NR1D1: variants seen among roughly 807,000 people sequenced by gnomAD.
NR1D1 encodes the protein nuclear receptor subfamily 1 group D member 1.
A neutral mutation model predicts 51.1 loss-of-function variants in NR1D1; 17 were observed. That is an observed-to-expected ratio of 0.33 (90% confidence interval 0.23 to 0.50). The LOEUF (loss-of-function observed/expected upper bound fraction) is 0.50, where lower values mean the gene tolerates loss of function less well. Among genes scored for constraint, NR1D1 ranks in the 20% least tolerant of loss-of-function variants. The pLI is 0.98. For synonymous variants in NR1D1, 341 were observed against 333.4 expected (o/e 1.02, Z -0.25); for missense variants, 647 against 830.4 (o/e 0.78, Z 2.71).
chr17:40,096,898 A>T, intron 2 of NR1D1, 119 bp from the exon 3 acceptor site: 1 of 1,213,456 alleles, frequency 8.2e-7, no homozygotes, highest in Non-Finnish European at 1.2e-6. Flanking sequence ...TCCAGTGTTG[A>T]GGGGCACTGG....
intron 1 of NR1D1, among the ~76,000 whole-genome samples, chr17:40,099,542 G>C (rs1037593450): frequency 3.3e-5 from 5 of 152,088 alleles, no homozygotes; most frequent in Non-Finnish European, 7.4e-5. Flanking sequence ...CTCAAGTGTC[G>C]CTCCCTCCTG....
Position 40,093,392 on chromosome 17 carries a change from G to A in NR1D1, c.1646-110C>T. The A allele has an allele frequency of 6.2e-7, 1 of 1,607,274 alleles. No homozygotes were observed. The highest frequency in any genetic ancestry group is 8.5e-7 in the Non-Finnish European group (1 of 1,176,582). ...TGCAGCCTCTCCCTGAAGCCCCCCA[G>A]AAGGCCGATGGGGAAGGAGAAGGAG... On this transcript the variant is annotated intron_variant, in intron 7 of 7. Coordinates refer to ENST00000246672, the MANE Select transcript of NR1D1 (RefSeq NM_021724.5). The surrounding 1 kb of genome is among the most constrained non-coding windows in gnomAD (Gnocchi z 5.9).
chr17:40,097,124 T>G lies in NR1D1; in HGVS notation c.311A>C (p.Gln104Pro). The stretch of plus-strand genomic sequence containing the variant: ...TCGGCTGCTGTCCTCCATGGCCACT[T>G]GTAGACTCCCAGGGGGGCTCCCATT... The part of the protein sequence containing the change: ...FYNGSPPGSL[Q>P]VAMEDSSRVS... Residue 104 changes from glutamine to proline, a missense_variant, in exon 2 of 8, where the codon CAA (glutamine) becomes CCA (proline). Transcript: ENST00000246672. 6.2e-7 allele frequency: 1 copy of G among 1,610,744 alleles called. No individual in the cohort carries two copies. The highest frequency in any genetic ancestry group is 8.5e-7 in the Non-Finnish European group (1 of 1,178,206).
In NR1D1 at chr17:40,095,795, G is replaced by A. The variant is rs1018174647; in HGVS notation, c.897C>T (p.Ile299=). ...CCAGCTTGTCATGGGCGTAGGTGAA[G>A]ATCTCTCGATGGGCCCGGGCCACCT... ...ISQVARAHRE[I]FTYAHDKLGS... is the part of the protein sequence containing the mutation. Residue 299 remains isoleucine (I), a synonymous_variant, in exon 5 of 8, where the codon ATC becomes ATT. Coordinates refer to ENST00000246672, the MANE Select transcript of NR1D1 (RefSeq NM_021724.5). 2 of 1,614,030 alleles carry A rather than the reference G, an allele frequency of 1.2e-6. No individual in the cohort carries two copies. The highest frequency in any genetic ancestry group is 1.7e-5 in the Admixed American group (1 of 59,992).
chr17:40,098,269 C>T (rs1292173121), intron 1 of NR1D1, among the ~76,000 whole-genome samples: 1 of 152,124 alleles, frequency 6.6e-6, no homozygotes, highest in African/African-American at 2.4e-5. Context: ...CTGCCATGGG[C>T]GGGGTGGGAG....
At chr17:40,095,246 A>C in intron 5 of NR1D1, 126 bp from the exon 6 acceptor site, 1 of 1,164,096 alleles carries the variant, frequency 8.6e-7, no homozygotes, top group Non-Finnish European at 1.2e-6. Context: ...TGGGTCTTTC[A>C]GATAAAGTAG....
chr17:40,094,635 C>T (rs550124794), intron 6 of NR1D1, among the ~76,000 whole-genome samples: 2 of 152,378 alleles, frequency 1.3e-5, no homozygotes, highest in East Asian at 1.9e-4. Flanking sequence ...CAATGGCTCA[C>T]GCCTGTAATC....
Position 40,093,513 on chromosome 17 carries a change from A to G in NR1D1, c.1646-231T>C. ...AGGGCTGGTCACCTCCCATCCCGTA[A>G]GACCACCTTCCCTTCCTCAGCAGGC... On this transcript the variant is annotated intron_variant, in intron 7 of 7. Transcript: ENST00000246672. This position sits in a 1 kb window ranked among gnomAD's most constrained non-coding sequence, Gnocchi z 5.9. 7.3e-7 allele frequency: 1 copy of G among 1,374,828 alleles called. No individual in the cohort carries two copies. The highest frequency in any genetic ancestry group is 9.7e-7 in the Non-Finnish European group (1 of 1,032,354). 85.2% of individuals were successfully genotyped at this position (1,374,828 alleles called of 1,614,324 possible). A position where few individuals can be genotyped will look rare whatever the true frequency, so the allele number is the denominator to read the frequency against.
In NR1D1 at chr17:40,093,703, C is replaced by T; in HGVS notation, c.1645+209G>A. 1.6e-6 allele frequency: 1 copy of T among 639,124 alleles called. No homozygotes were observed. The highest frequency in any genetic ancestry group is 2.7e-6 in the Non-Finnish European group (1 of 372,558). The allele number at this position is 639,124 out of a possible 1,614,324, so 39.6% of individuals were successfully genotyped here. Reference sequence around the variant, plus strand: ...AGGCAGAAATAGTTGTCTGTGCTTCCTTGGTTCATGCTTCTACTGTGACAC... The same window carrying T: ...AGGCAGAAATAGTTGTCTGTGCTTCTTTGGTTCATGCTTCTACTGTGACAC... On this transcript the variant is annotated intron_variant, in intron 7 of 7. Coordinates refer to ENST00000246672, the MANE Select transcript of NR1D1 (RefSeq NM_021724.5). This position sits in a 1 kb window ranked among gnomAD's most constrained non-coding sequence, Gnocchi z 5.9.
At position 40,095,539 on chromosome 17, in the gene NR1D1, C is replaced by T. The variant is rs760909527; in HGVS notation, c.1153G>A (p.Gly385Arg). ...HHSCHQSNSN[G>R]HRLCPTHVYA... ...ACGTGGGTGGGGCATAGACGGTGCC[C>T]GTTGCTGTTGGACTGGTGGCAGCTG... The change falls in exon 5 of 8, where the codon GGG becomes AGG. Residue 385 changes from glycine to arginine, a missense_variant. Gly to Arg is a moderately radical substitution (Grantham distance 125). Around this residue, in one of 7 missense-constraint regions of NR1D1, gnomAD observed 185 missense variants for 176.3 expected, o/e 1.05. Coordinates refer to ENST00000246672, the MANE Select transcript of NR1D1 (RefSeq NM_021724.5). 4.4e-5 allele frequency: 71 copies of T among 1,603,222 alleles called. No individual in the cohort carries two copies. The Admixed American group carries it at 7.3e-4, about 16-fold the overall frequency.
In NR1D1 at chr17:40,095,904, AG is replaced by A. The variant is rs1269214729; in HGVS notation, c.787del (p.Leu263TrpfsTer11). The A allele has an allele frequency of 7.2e-7, 1 of 1,395,294 alleles. No homozygotes were observed. 86.4% of individuals were successfully genotyped at this position (1,395,294 alleles called of 1,614,324 possible). ...TTGTGGAAACTGGGAGAAGCCCACC[AG>A]GGGTGAGGGGACCGGAGCAGGGGGT... The part of the protein sequence containing the change: ...SPPPAPVPSP[L>X]VGFSQFPQQL... On this transcript the variant is annotated frameshift_variant, in exon 5 of 8. Coordinates refer to ENST00000246672, the MANE Select transcript of NR1D1 (RefSeq NM_021724.5). LOFTEE classifies it high-confidence loss of function.
chr17:40,099,612 C>A (rs1251046221), intron 1 of NR1D1, among the ~76,000 whole-genome samples: 1 of 152,116 alleles, frequency 6.6e-6, no homozygotes, highest in African/African-American at 2.4e-5. Context: ...TCCCTGAACC[C>A]CATCGCGCCA....
intron 1 of NR1D1, among the ~76,000 whole-genome samples, chr17:40,097,868 A>C (rs1849582228): frequency 6.6e-6 from 1 of 152,220 alleles, no homozygotes; most frequent in African/African-American, 2.4e-5. Flanking sequence ...TAGGTAGCCA[A>C]CAGTAAAGAG....
intron 5 of NR1D1, 92 bp from the exon 6 acceptor site, chr17:40,095,212 G>T: frequency 7.4e-7 from 1 of 1,352,752 alleles, no homozygotes; most frequent in Non-Finnish European, 1.0e-6. Context: ...TTCTGCCTGG[G>T]CTAGGGGCTG....
chr17:40,096,074 C>T lies in NR1D1; in HGVS notation c.618G>A (p.Gly206=), dbSNP rs774185445. 2 of 1,612,450 alleles carry T rather than the reference C, an allele frequency of 1.2e-6. No homozygotes were observed. Among genetic ancestry groups the T allele is most frequent in the Non-Finnish European group, 1.7e-6 (2 of 1,179,806 alleles). Residue 206 remains glycine (G), a synonymous_variant, in exon 5 of 8, where the codon GGG becomes GGA. Coordinates refer to ENST00000246672, the MANE Select transcript of NR1D1 (RefSeq NM_021724.5). ...GCTGCTTCTCTCGTTTGGGGATGCGCCCAAAACGCACAGCTGCAACAGGAT... is the reference window on the plus strand; with the variant it reads ...GCTGCTTCTCTCGTTTGGGGATGCGTCCAAAACGCACAGCTGCAACAGGAT... ...VGMSRDAVRF[G]RIPKREKQRM...
chr17:40,098,700 G>A (rs1465525200), intron 1 of NR1D1, among the ~76,000 whole-genome samples: 1 of 152,168 alleles, frequency 6.6e-6, no homozygotes, highest in Non-Finnish European at 1.5e-5. Flanking sequence ...GAGAAAAAAA[G>A]GACAGTATCA....
rs1054482703 is a variant in NR1D1, at chr17:40,093,119, G to A, written c.1809C>T (p.Ser603=). 4.3e-6 allele frequency: 7 copies of A among 1,613,990 alleles called. No homozygotes were observed. Among genetic ancestry groups the A allele is most frequent in the East Asian group, 2.2e-5 (1 of 44,902 alleles). ...PDLRTLNNMH[S]EKLLSFRVDA... ...CCACCCGGAAGGACAGCAGCTTCTC[G>A]GAATGCATGTTGTTCAGGGTCCGCA... Residue 603 remains serine (S), a synonymous_variant, in exon 8 of 8, where the codon TCC becomes TCT. Coordinates refer to ENST00000246672, the MANE Select transcript of NR1D1 (RefSeq NM_021724.5). The surrounding 1 kb of genome is among the most constrained non-coding windows in gnomAD (Gnocchi z 5.9).
Position 40,094,027 on chromosome 17 carries a change from G to A in NR1D1, c.1530C>T (p.Ala510=). The A allele has an allele frequency of 1.9e-6, 3 of 1,614,056 alleles. No individual in the cohort carries two copies. The highest frequency in any genetic ancestry group is 2.7e-5 in the African/African-American group (2 of 75,034). Reference sequence around the variant, plus strand: ...CACTGAGCAGGTCTCCCATGCCCATGGCACCAAGCTCCTGCAGGCTGTAGG... The same window carrying A: ...CACTGAGCAGGTCTCCCATGCCCATAGCACCAAGCTCCTGCAGGCTGTAGG... ...RTTYSLQELG[A]MGMGDLLSAM... is the part of the protein sequence containing the mutation. Residue 510 remains alanine, a synonymous_variant, in exon 7 of 8, where the codon GCC becomes GCT. Transcript: ENST00000246672.
Position 40,096,486 on chromosome 17 carries a change from T to C in NR1D1, c.561A>G (p.Gln187=), listed in dbSNP as rs754674940. Residue 187 remains glutamine (Q), a synonymous_variant, in exon 4 of 8, where the codon CAA becomes CAG. Transcript: ENST00000246672. Reference sequence around the variant, plus strand: ...CAGAGAGACACTTCTTGAAGCGACATTGCTGGCAGCGGTTGCGATTGATGC... The same window carrying C: ...CAGAGAGACACTTCTTGAAGCGACACTGCTGGCAGCGGTTGCGATTGATGC... ...IVRINRNRCQ[Q]CRFKKCLSVG... 5 of 1,614,084 alleles carry C rather than the reference T, an allele frequency of 3.1e-6. No individual in the cohort carries two copies. In the Admixed American group the frequency reaches 6.7e-5, roughly 22 times the overall value.
Sources: gnomAD v4.1 joint callset for allele counts (sites outside exome capture counted in the v4.1 genomes callset) on GRCh38, gnomAD v4.1.1 for gene constraint, gnomAD v4.1.1 regional missense constraint, Gnocchi (gnomAD v3.1) non-coding constraint, MANE v1.5 for transcripts, NCBI Gene and HGNC (gene_info 2026-07-23, HGNC 2026-07-21) for gene names.